The following ERBB4 variants were observed in gnomAD, a reference collection of about 807,000 sequenced individuals.
ERBB4 encodes the protein receptor tyrosine-protein kinase erbB-4.
ERBB4 carries 42 observed loss-of-function variants against 158.0 expected under a neutral mutation model. That is an observed-to-expected ratio of 0.27 (90% CI 0.21 to 0.34). ERBB4 has a LOEUF of 0.34. Ranked by LOEUF, ERBB4 falls within the 10% of genes least tolerant of loss-of-function variation. The probability of loss-of-function intolerance (pLI) is 1.00; values close to 1 mark genes in which losing one functional copy is unlikely to be tolerated. For synonymous variants in ERBB4, 583 were observed against 558.7 expected (o/e 1.04, Z -0.61); for missense variants, 1,333 against 1,624.1 (o/e 0.82, Z 3.08).
intron 1 of ERBB4, among the ~76,000 whole-genome samples, chr2:212,165,603 A>C (rs1208045535): frequency 6.6e-6 from 1 of 152,120 alleles, no homozygotes; most frequent in South Asian, 2.1e-4. Context: ...ATACCACAGA[A>C]TTGGCTGACA....
intron 1 of ERBB4, among the ~76,000 whole-genome samples, chr2:212,358,583 T>C (rs2089555533): frequency 6.6e-6 from 1 of 151,770 alleles, no homozygotes; most frequent in South Asian, 2.1e-4. Flanking sequence ...TCTTGATTAA[T>C]GAGGTTATAT....
intron 3 of ERBB4, among the ~76,000 whole-genome samples, chr2:211,878,090 A>T (rs566225853): frequency 1.3e-5 from 2 of 152,366 alleles, no homozygotes; most frequent in African/African-American, 4.8e-5. Context: ...CCTGAGGAAC[A>T]GAGCGAGACG....
intron 1 of ERBB4, among the ~76,000 whole-genome samples, chr2:212,344,602 T>C (rs1245375994): frequency 2.6e-5 from 2 of 77,084 alleles, no homozygotes; most frequent in Admixed American, 3.1e-4. Flanking sequence ...GGTAATTTCG[T>C]AATACAAAGA....
chr2:212,295,397 TG>T (rs1361423903), intron 1 of ERBB4, among the ~76,000 whole-genome samples: 3 of 152,050 alleles, frequency 2.0e-5, no homozygotes, highest in Non-Finnish European at 4.4e-5. Context: ...CACAGATTTT[TG>T]AACCTCAAAA....
At chr2:211,607,733 A>G (rs1038946290) in intron 19 of ERBB4, among the ~76,000 whole-genome samples, 2 of 152,176 alleles carry the variant, frequency 1.3e-5, no homozygotes, top group Admixed American at 6.5e-5. Flanking sequence ...CAAGCTATAT[A>G]TGTAGTATAC....
At chr2:212,169,819 C>T (rs897734011) in intron 1 of ERBB4, among the ~76,000 whole-genome samples, 3 of 152,138 alleles carry the variant, frequency 2.0e-5, no homozygotes, top group African/African-American at 7.2e-5. Flanking sequence ...CTTCACACAG[C>T]TCTCTCTCAC....
intron 2 of ERBB4, among the ~76,000 whole-genome samples, chr2:212,004,169 G>C (rs1388841304): frequency 6.6e-6 from 1 of 152,064 alleles, no homozygotes; most frequent in African/African-American, 2.4e-5. Context: ...TATTTGTAGA[G>C]CTAAAAAAAT....
At chr2:212,189,191 G>A (rs758113292) in intron 1 of ERBB4, among the ~76,000 whole-genome samples, 5 of 151,850 alleles carry the variant, frequency 3.3e-5, no homozygotes, top group Non-Finnish European at 7.4e-5. Context: ...GCATCAAGTT[G>A]GCATTCAAAA....
chr2:212,446,984 A>G (rs961195142), intron 1 of ERBB4, among the ~76,000 whole-genome samples: 24 of 148,580 alleles, frequency 1.6e-4, no homozygotes, highest in Non-Finnish European at 3.6e-4. Context: ...ACTAATTAAT[A>G]CCAAATTTTT....
At chr2:211,933,014 T>TA (rs2125102972) in intron 3 of ERBB4, among the ~76,000 whole-genome samples, 1 of 152,154 alleles carries the variant, frequency 6.6e-6, no homozygotes, top group South Asian at 2.1e-4. Context: ...TGATCTTCAA[T>TA]AAAATCACAA....
intron 2 of ERBB4, among the ~76,000 whole-genome samples, chr2:211,967,217 C>T (rs577611679): frequency 3.0e-4 from 46 of 151,900 alleles, no homozygotes; most frequent in Admixed American, 1.2e-3. Context: ...AAGTATTTAA[C>T]GAATGCTTGC....
intron 19 of ERBB4, among the ~76,000 whole-genome samples, chr2:211,563,005 TTG>T (rs1559299030): frequency 6.6e-6 from 1 of 152,100 alleles, no homozygotes; most frequent in African/African-American, 2.4e-5. Flanking sequence ...TCTCCTGACC[TTG>T]TGATCCGCCC....
At chr2:212,439,751 G>T (rs900720939) in intron 1 of ERBB4, among the ~76,000 whole-genome samples, 14 of 152,108 alleles carry the variant, frequency 9.2e-5, no homozygotes, top group African/African-American at 3.4e-4. Context: ...GGTAACATTA[G>T]AATTTATTCT....
At chr2:211,533,360 C>G (rs1465988473) in intron 20 of ERBB4, among the ~76,000 whole-genome samples, 1 of 151,956 alleles carries the variant, frequency 6.6e-6, no homozygotes, top group Non-Finnish European at 1.5e-5. Context: ...CTTTCAAATA[C>G]CTATTTTTCA....
intron 19 of ERBB4, among the ~76,000 whole-genome samples, chr2:211,582,596 C>G (rs1005113632): frequency 6.6e-6 from 1 of 152,066 alleles, no homozygotes; most frequent in Non-Finnish European, 1.5e-5. Flanking sequence ...TCAGAGGAAC[C>G]AGAACTTATT....
chr2:211,764,250 T>A (rs2075492558), intron 4 of ERBB4, among the ~76,000 whole-genome samples: 1 of 152,226 alleles, frequency 6.6e-6, no homozygotes, highest in Non-Finnish European at 1.5e-5. Flanking sequence ...GGAAATTGAG[T>A]TATTATTTAT....
At chr2:211,999,127 T>C (rs1030331358) in intron 2 of ERBB4, among the ~76,000 whole-genome samples, 2 of 151,778 alleles carry the variant, frequency 1.3e-5, no homozygotes, top group African/African-American at 2.4e-5. Flanking sequence ...AGTTTACACT[T>C]TTCTGACCTA....
chr2:211,530,615 C>G (rs532931334), intron 20 of ERBB4, among the ~76,000 whole-genome samples: 1 of 152,084 alleles, frequency 6.6e-6, no homozygotes, highest in Non-Finnish European at 1.5e-5. Flanking sequence ...CAAGGCCAGG[C>G]AGAGTCGTTC....
At chr2:211,464,858 T>C (rs1277102813) in intron 20 of ERBB4, among the ~76,000 whole-genome samples, 3 of 152,044 alleles carry the variant, frequency 2.0e-5, no homozygotes, top group African/African-American at 2.4e-5. Flanking sequence ...ATGTTAGAAC[T>C]TAGCCAGGAG....
Sources: gnomAD v4.1 joint callset for allele counts (sites outside exome capture counted in the v4.1 genomes callset) on GRCh38, gnomAD v4.1.1 for gene constraint, MANE v1.5 for transcripts, NCBI Gene and HGNC (gene_info 2026-07-23, HGNC 2026-07-21) for gene names.